Variants in UBXN7 observed in about 807,000 individuals in gnomAD.
UBXN7 encodes UBX domain-containing protein 7.
UBXN7 carries 9 observed loss-of-function variants against 58.0 expected under a neutral mutation model. That is an observed-to-expected ratio of 0.16 (90% CI 0.09 to 0.27). The LOEUF (loss-of-function observed/expected upper bound fraction) is 0.27. Ranked by LOEUF, UBXN7 falls within the 10% of genes least tolerant of loss-of-function variation. The pLI is 1.00. For missense variants in UBXN7, 328 were observed against 599.6 expected (o/e 0.55, Z 4.73); for synonymous variants, 208 against 205.0 (o/e 1.01, Z -0.12).
At chr3:196,397,555 T>C (rs994531170) in intron 3 of UBXN7, 2 of 152,412 alleles carry the variant, frequency 1.3e-5, no homozygotes, top group African/African-American at 4.8e-5. Flanking sequence ...GCAGTGGCTA[T>C]TCACAGGCAC....
intron 1 of UBXN7, chr3:196,431,994 G>A (rs540258516): frequency 4.0e-6 from 2 of 494,776 alleles, no homozygotes; most frequent in African/African-American, 3.9e-5. Context: ...GCGGTGGCCC[G>A]GGTGCGGCCC....
intron 8 of UBXN7, among the ~76,000 whole-genome samples, chr3:196,366,452 G>C (rs910962135): frequency 4.6e-5 from 7 of 151,778 alleles, no homozygotes; most frequent in African/African-American, 9.7e-5. Flanking sequence ...GGAGTTCAAG[G>C]CTAGCAAGTT....
intron 5 of UBXN7, among the ~76,000 whole-genome samples, chr3:196,384,185 A>C (rs1729300864): frequency 6.6e-6 from 1 of 152,208 alleles, no homozygotes; most frequent in Admixed American, 6.5e-5. Context: ...TATGCAAATA[A>C]ACTAGAAAAT....
intron 1 of UBXN7, among the ~76,000 whole-genome samples, chr3:196,424,998 A>G (rs2108626750): frequency 6.6e-6 from 1 of 152,122 alleles, no homozygotes; most frequent in South Asian, 2.1e-4. Flanking sequence ...CACCGCACCT[A>G]GCCCCATTTT....
intron 1 of UBXN7, among the ~76,000 whole-genome samples, chr3:196,427,367 G>A (rs1199072833): frequency 1.3e-5 from 2 of 152,196 alleles, no homozygotes; most frequent in African/African-American, 4.8e-5. Context: ...GCCCAGGCTG[G>A]AGTGCAGTGG....
intron 2 of UBXN7, among the ~76,000 whole-genome samples, chr3:196,406,499 G>A (rs1440691973): frequency 2.0e-5 from 3 of 152,008 alleles, no homozygotes; most frequent in Non-Finnish European, 4.4e-5. Flanking sequence ...GAGTGTAGTG[G>A]CACGATCTCT....
At chr3:196,411,520 A>C (rs1280847164) in intron 1 of UBXN7, among the ~76,000 whole-genome samples, 2 of 152,244 alleles carry the variant, frequency 1.3e-5, no homozygotes, top group African/African-American at 4.8e-5. Context: ...GCTTCAAAAA[A>C]CTAGCAGATG....
chr3:196,425,125 A>G (rs1577481853), intron 1 of UBXN7, among the ~76,000 whole-genome samples: 1 of 152,246 alleles, frequency 6.6e-6, no homozygotes, highest in East Asian at 1.9e-4. Flanking sequence ...TAACTTATCC[A>G]AAACTGAGCT....
chr3:196,422,772 G>A (rs949626301), intron 1 of UBXN7, among the ~76,000 whole-genome samples: 1 of 151,972 alleles, frequency 6.6e-6, no homozygotes. Flanking sequence ...CACACTCCTA[G>A]GTATTTATCA....
intron 1 of UBXN7, among the ~76,000 whole-genome samples, chr3:196,407,870 CG>C (rs984996071): frequency 6.6e-6 from 1 of 151,900 alleles, no homozygotes; most frequent in African/African-American, 2.4e-5. Flanking sequence ...GAGGCTGAGG[CG>C]GGCAGATCAC....
rs117963343 is a variant in UBXN7, at chr3:196,364,243, C to T, written c.835-1556G>A. 3.6e-3 allele frequency among the ~76,000 whole-genome samples: 553 copies of T among 152,232 alleles called. 20 individuals carry two copies. The South Asian group carries it at 0.074, about 20-fold the overall frequency. On this transcript the variant is annotated intron_variant, in intron 8 of 10. Coordinates refer to ENST00000296328, the MANE Select transcript of UBXN7 (RefSeq NM_015562.2). ...TGTTTGAGTGGAACTTACTTAGCTC[C>T]TGACTCAAACATACTATAGAGGAAA...
intron 1 of UBXN7, among the ~76,000 whole-genome samples, chr3:196,409,426 G>A (rs1360618149): frequency 2.0e-5 from 3 of 152,056 alleles, no homozygotes; most frequent in Admixed American, 2.0e-4. Flanking sequence ...TGCTCACTGT[G>A]TCACAGTTTT....
intron 5 of UBXN7, among the ~76,000 whole-genome samples, chr3:196,388,292 G>A (rs1293577487): frequency 5.6e-5 from 8 of 142,408 alleles, no homozygotes; most frequent in Non-Finnish European, 1.2e-4. Flanking sequence ...GGGGCCTGTC[G>A]GGGGCTGGGG....
intron 1 of UBXN7, chr3:196,431,861 G>A (rs1289330872): frequency 2.7e-6 from 1 of 371,560 alleles, no homozygotes; most frequent in South Asian, 1.9e-5. Context: ...GAAAGGGGAA[G>A]GGCAGGCCGG....
intron 9 of UBXN7, 108 bp from the exon 10 acceptor site, chr3:196,362,031 A>T: frequency 3.4e-6 from 4 of 1,189,030 alleles, no homozygotes; most frequent in Non-Finnish European, 2.4e-6. Flanking sequence ...CAATTACTCA[A>T]GTGTTTTGCT....
At chr3:196,371,135 C>A (rs1728820962) in intron 6 of UBXN7, among the ~76,000 whole-genome samples, 1 of 152,178 alleles carries the variant, frequency 6.6e-6, no homozygotes, top group Middle Eastern at 3.2e-3. Flanking sequence ...AAGCTAAAAT[C>A]TAAGTCTTAG....
chr3:196,369,849 T>C (rs1354494427), intron 6 of UBXN7, among the ~76,000 whole-genome samples: 2 of 152,076 alleles, frequency 1.3e-5, no homozygotes, highest in East Asian at 1.9e-4. Flanking sequence ...ATTAAGATTA[T>C]GGGCCAGGCA....
At chr3:196,422,102 A>C (rs1254299758) in intron 1 of UBXN7, among the ~76,000 whole-genome samples, 2 of 152,102 alleles carry the variant, frequency 1.3e-5, no homozygotes, top group African/African-American at 4.8e-5. Context: ...TGGGAGGGTG[A>C]GGCAGGAGAA....
intron 1 of UBXN7, chr3:196,416,323 C>A (rs1226980459): frequency 6.6e-6 from 1 of 151,916 alleles, no homozygotes; most frequent in African/African-American, 2.4e-5. Flanking sequence ...CCCAGCTACT[C>A]GGGAGGCTGA....
Sources: allele counts gnomAD v4.1 joint callset (sites outside exome capture counted in the v4.1 genomes callset), GRCh38; gene constraint gnomAD v4.1.1; transcripts MANE v1.5; gene names NCBI Gene and HGNC (gene_info 2026-07-23, HGNC 2026-07-21).